Variants in CBX1 observed in about 807,000 individuals in gnomAD.
CBX1 encodes chromobox 1.
Under a neutral mutation model 25.1 loss-of-function variants are expected in CBX1, and 10 were observed. The observed-to-expected ratio is 0.40, with a 90% CI of 0.25 to 0.68. The LOEUF (loss-of-function observed/expected upper bound fraction) is 0.68, where lower values mean the gene tolerates loss of function less well. Ranked by LOEUF, CBX1 falls within the 30% of genes least tolerant of loss-of-function variation. The pLI is 0.40. For missense variants in CBX1, 106 were observed against 218.5 expected, an observed-to-expected ratio of 0.49 and a Z score of 3.25; for synonymous variants, 63 against 79.4, an observed-to-expected ratio of 0.79 and a Z score of 1.10.
intron 1 of CBX1, among the ~76,000 whole-genome samples, chr17:48,097,656 G>A (rs958102655): frequency 2.0e-4 from 31 of 151,542 alleles, no homozygotes; most frequent in Non-Finnish European, 2.9e-4. Context: ...GTTCTGTTAC[G>A]CACTCAAAGT....
At chr17:48,074,003 T>C (rs1235546561) in intron 4 of CBX1, among the ~76,000 whole-genome samples, 1 of 152,068 alleles carries the variant, frequency 6.6e-6, no homozygotes, top group Admixed American at 6.6e-5. Context: ...AAAAATGAAC[T>C]TTTCTCTTAT....
At position 48,077,445 on chromosome 17, in the gene CBX1, G is replaced by GTTTTT. The variant is rs796350669; in HGVS notation, c.-37-409_-37-405dup. Among the ~76,000 whole-genome samples the GTTTTT allele has an allele frequency of 2.4e-3, 124 of 52,406 alleles. 6 individuals carry two copies. The highest frequency in any genetic ancestry group is 3.0e-3 in the Admixed American group (13 of 4,350). 34.4% of individuals were successfully genotyped at this position (52,406 alleles called of 152,430 possible). A position where few individuals can be genotyped will look rare whatever the true frequency, so the allele number is the denominator to read the frequency against. The stretch of plus-strand genomic sequence containing the variant: ...GCTAATTTTTGTTGTTTTTTTTTTT[G>GTTTTT]TTTTTTTTGTTTTTTTTTTTTTAGT... On this transcript the variant is annotated intron_variant, in intron 1 of 4. Coordinates refer to ENST00000225603, the MANE Select transcript of CBX1 (RefSeq NM_001127228.2).
chr17:48,078,904 C>G lies in CBX1; in HGVS notation c.-37-1863G>C, dbSNP rs549180707. 2.7e-5 allele frequency among the ~76,000 whole-genome samples: 4 copies of G among 148,204 alleles called. No individual in the cohort carries two copies. The East Asian group carries it at 8.0e-4, about 29-fold the overall frequency. On this transcript the variant is annotated intron_variant, in intron 1 of 4. Transcript: ENST00000225603. ...TCCCGGGTTCAAGTGATTCTCCTGTCTCAGCCTCCTGAGTAGCTGGGACTA... is the reference window on the plus strand; with the variant it reads ...TCCCGGGTTCAAGTGATTCTCCTGTGTCAGCCTCCTGAGTAGCTGGGACTA...
chr17:48,098,485 G>A (rs2063388344), intron 1 of CBX1, among the ~76,000 whole-genome samples: 2 of 151,042 alleles, frequency 1.3e-5, no homozygotes, highest in Admixed American at 1.3e-4. Context: ...AACAAGAGGT[G>A]CGTCCCCATT....
intron 4 of CBX1, among the ~76,000 whole-genome samples, chr17:48,073,471 C>T (rs1351560456): frequency 1.3e-5 from 2 of 152,142 alleles, no homozygotes; most frequent in African/African-American, 4.8e-5. Flanking sequence ...CTCTATTCTC[C>T]AGTAAAATAA....
intron 1 of CBX1, among the ~76,000 whole-genome samples, chr17:48,089,972 G>A (rs1484842458): frequency 1.3e-5 from 2 of 151,426 alleles, no homozygotes; most frequent in Non-Finnish European, 2.9e-5. Context: ...CCAGGCTGGA[G>A]TGCAGTGGCA....
rs531539832 is a variant in CBX1 at position 48,073,324 on chromosome 17, T to C, written c.413+1682A>G. ...GCTGATAATGTATGTTTTTGAACAA[T>C]GGACCCAAGAGAATGGGAGGGAAAT... On this transcript the variant is annotated intron_variant, in intron 4 of 4. Transcript: ENST00000225603. Among the ~76,000 whole-genome samples, 36 of 152,124 alleles carry C rather than the reference T, an allele frequency of 2.4e-4. 2 individuals carry two copies. The South Asian group carries it at 6.8e-3, about 29-fold the overall frequency.
At chr17:48,097,453 T>C (rs2144475000) in intron 1 of CBX1, among the ~76,000 whole-genome samples, 1 of 151,482 alleles carries the variant, frequency 6.6e-6, no homozygotes, top group Admixed American at 6.6e-5. Flanking sequence ...CCATCTCTAC[T>C]AAAAATACAA....
At chr17:48,084,240 C>A (rs2037766245) in intron 1 of CBX1, among the ~76,000 whole-genome samples, 1 of 38,466 alleles carries the variant, frequency 2.6e-5, no homozygotes, top group African/African-American at 1.7e-4. Flanking sequence ...GAGACGGAGT[C>A]TTGCTCTGTT....
At chr17:48,090,278 G>A (rs544849885) in intron 1 of CBX1, among the ~76,000 whole-genome samples, 69 of 152,134 alleles carry the variant, frequency 4.5e-4, no homozygotes, top group African/African-American at 1.6e-3. Flanking sequence ...ACACAGTAAA[G>A]TTCCTTAAGA....
At chr17:48,084,136 T>TAATTTTTTC (rs1244547931) in intron 1 of CBX1, among the ~76,000 whole-genome samples, 1 of 149,234 alleles carries the variant, frequency 6.7e-6, no homozygotes, top group Non-Finnish European at 1.5e-5. Flanking sequence ...CAAACCTGGC[T>TAATTTTTTC]AATTTTTTCA....
At chr17:48,075,662 C>T (rs2037668562) in intron 3 of CBX1, among the ~76,000 whole-genome samples, 1 of 110,900 alleles carries the variant, frequency 9.0e-6, no homozygotes, top group South Asian at 3.9e-4. Flanking sequence ...TATCTCTTCA[C>T]TCTCAAAAAA....
intron 1 of CBX1, among the ~76,000 whole-genome samples, chr17:48,093,083 A>G (rs1401329863): frequency 2.0e-5 from 2 of 99,898 alleles, no homozygotes; most frequent in South Asian, 3.2e-4. Context: ...AAAAAAAAAA[A>G]AAAAAAGAAA....
At chr17:48,082,127 G>A (rs1298524756) in intron 1 of CBX1, among the ~76,000 whole-genome samples, 3 of 151,994 alleles carry the variant, frequency 2.0e-5, no homozygotes, top group Non-Finnish European at 2.9e-5. Flanking sequence ...GATCGCTTAA[G>A]CACAGGAGGT....
intron 1 of CBX1, among the ~76,000 whole-genome samples, chr17:48,097,272 C>T (rs2063380851): frequency 6.7e-6 from 1 of 148,262 alleles, no homozygotes; most frequent in Non-Finnish European, 1.5e-5. Flanking sequence ...GAAAAAAAAA[C>T]GCCACCACAT....
chr17:48,094,285 T>C (rs189716320), intron 1 of CBX1, among the ~76,000 whole-genome samples: 1 of 151,696 alleles, frequency 6.6e-6, no homozygotes, highest in East Asian at 1.9e-4. Flanking sequence ...AATACAAAAA[T>C]CATCCAGGTG....
chr17:48,096,488 G>A, intron 1 of CBX1: 1 of 500,548 alleles, frequency 2.0e-6, no homozygotes, highest in Non-Finnish European at 2.6e-6. Flanking sequence ...GAACACCACA[G>A]TGGCCAGGCA....
At position 48,076,177 on chromosome 17, in the gene CBX1, C is replaced by T; in HGVS notation, c.142G>A (p.Glu48Lys). 6.4e-7 allele frequency: 1 copy of T among 1,560,026 alleles called. No homozygotes were observed. The highest frequency in any genetic ancestry group is 1.3e-5 in the African/African-American group (1 of 74,136). Residue 48 changes from glutamate (E) to lysine (K), a missense_variant and splice_region_variant, in exon 3 of 5, where the codon GAG becomes AAG. This residue lies in a region of CBX1 where 16 missense variants were observed against 37.9 expected (regional missense o/e 0.42). Coordinates refer to ENST00000225603, the MANE Select transcript of CBX1 (RefSeq NM_001127228.2). ...YLLKWKGFSD[E>K]DNTWEPEENL... Reference sequence around the variant, plus strand: ...TCTTCTGGCTCCCATGTGTTGTCCTCACTGAAACCAGAGGGCACAGCAAGT... The same window carrying T: ...TCTTCTGGCTCCCATGTGTTGTCCTTACTGAAACCAGAGGGCACAGCAAGT...
At chr17:48,090,969 C>G (rs2063341064) in intron 1 of CBX1, among the ~76,000 whole-genome samples, 1 of 152,162 alleles carries the variant, frequency 6.6e-6, no homozygotes, top group Non-Finnish European at 1.5e-5. Flanking sequence ...CATGTGTTTG[C>G]AAAGCATGGC....
Sources: allele counts gnomAD v4.1 joint callset (sites outside exome capture counted in the v4.1 genomes callset), GRCh38; gene constraint gnomAD v4.1.1; regional missense constraint gnomAD v4.1.1; transcripts MANE v1.5; gene names NCBI Gene and HGNC (gene_info 2026-07-23, HGNC 2026-07-21).